The following CLEC6A variants were observed in gnomAD, a reference collection of about 807,000 sequenced individuals.
The protein encoded by CLEC6A is C-type lectin domain containing 6A.
Under a neutral mutation model 25.7 loss-of-function variants are expected in CLEC6A, and 22 were observed. The ratio of observed to expected loss-of-function variants is 0.85; its 90% CI spans 0.61 to 1.22. The LOEUF is 1.22. Among genes scored for constraint, CLEC6A ranks in the 50% most tolerant of loss-of-function variants. The pLI, the probability that CLEC6A is intolerant of heterozygous loss-of-function variation, is 0.00. For missense variants in CLEC6A, 240 were observed against 236.8 expected (o/e 1.01, Z -0.09); for synonymous variants, 92 against 76.7 (o/e 1.20, Z -1.04).
intron 3 of CLEC6A, among the ~76,000 whole-genome samples, chr12:8,464,575 G>A (rs1048854830): frequency 2.2e-4 from 33 of 152,068 alleles, no homozygotes; most frequent in African/African-American, 6.5e-4. Flanking sequence ...CTCGTGATCC[G>A]CCCGCCTCGG....
intron 4 of CLEC6A, among the ~76,000 whole-genome samples, chr12:8,466,950 C>A (rs1939840104): frequency 2.0e-5 from 3 of 152,194 alleles, no homozygotes; most frequent in Admixed American, 6.5e-5. Flanking sequence ...CCTCACCCGA[C>A]TGGCAACTTT....
At chr12:8,459,785 A>G in intron 3 of CLEC6A, 87 bp downstream of exon 3, 2 of 836,390 alleles carry the variant, frequency 2.4e-6, no homozygotes, top group South Asian at 2.7e-5. Flanking sequence ...TCTATTGTGC[A>G]TTTGTGTGTG....
chr12:8,461,498 A>C (rs1939753059), intron 3 of CLEC6A, among the ~76,000 whole-genome samples: 1 of 152,322 alleles, frequency 6.6e-6, no homozygotes, highest in South Asian at 2.1e-4. Flanking sequence ...GGCATAAGAG[A>C]CTGTTCATTT....
chr12:8,474,809 A>G (rs1037648593), intron 4 of CLEC6A, among the ~76,000 whole-genome samples: 6 of 152,198 alleles, frequency 3.9e-5, no homozygotes, highest in African/African-American at 1.4e-4. Context: ...TTATGAAATA[A>G]ATAAATCGAC....
intron 1 of CLEC6A, 117 bp downstream of exon 1, chr12:8,456,259 G>C: frequency 2.2e-6 from 2 of 905,106 alleles, no homozygotes; most frequent in East Asian, 2.5e-5. Context: ...CAATATAGTA[G>C]ACTCAAAGGA....
rs369189992 is a variant in CLEC6A, at chr12:8,476,255, G to A, written c.485+15G>A. 262 of 1,438,168 alleles carry A rather than the reference G, an allele frequency of 1.8e-4. 3 individuals carry two copies. In the South Asian group the frequency reaches 2.5e-3, roughly 14 times the overall value. 89.1% of individuals were successfully genotyped at this position (1,438,168 alleles called of 1,614,324 possible). On this transcript the variant is annotated intron_variant, in intron 5 of 5. Transcript: ENST00000382073. ...AAAAATGTCAGGTGAGTGCAGTTCT[G>A]GGGCCTTGTTTACATAGAAAATCTA... is the stretch of plus-strand genomic sequence containing the variant.
At chr12:8,457,389 GC>G (rs1939691757) in intron 1 of CLEC6A, among the ~76,000 whole-genome samples, 1 of 152,140 alleles carries the variant, frequency 6.6e-6, no homozygotes, top group Admixed American at 6.5e-5. Flanking sequence ...CTGTGCTGTT[GC>G]AAATGGCAGG....
intron 4 of CLEC6A, among the ~76,000 whole-genome samples, chr12:8,474,811 T>A (rs901179887): frequency 6.6e-6 from 1 of 152,188 alleles, no homozygotes. Context: ...ATGAAATAAA[T>A]AAATCGACTA....
chr12:8,462,438 G>A lies in CLEC6A; in HGVS notation c.223+2740G>A, dbSNP rs1328204336. On this transcript the variant is annotated intron_variant, in intron 3 of 5. Coordinates refer to ENST00000382073, the MANE Select transcript of CLEC6A (RefSeq NM_001007033.2). Reference sequence around the variant, plus strand: ...AGAGGAAGGCATCTGTCTCCTGCCCGTCCATGGGCAATGGAATGTCTCGGT... The same window carrying A: ...AGAGGAAGGCATCTGTCTCCTGCCCATCCATGGGCAATGGAATGTCTCGGT... Among the ~76,000 whole-genome samples, 20 of 132,004 alleles carry A rather than the reference G, an allele frequency of 1.5e-4. No homozygotes were observed. The East Asian group carries it at 3.2e-3, about 21-fold the overall frequency. The allele number at this position is 132,004 out of a possible 152,430, so 86.6% of individuals were successfully genotyped here.
chr12:8,461,309 A>C, intron 3 of CLEC6A: 3 of 531,666 alleles, frequency 5.6e-6, no homozygotes, highest in Non-Finnish European at 6.7e-6. Flanking sequence ...AGAAAAGAAA[A>C]AGGGAAAGAG....
intron 4 of CLEC6A, among the ~76,000 whole-genome samples, chr12:8,472,486 A>G (rs577259990): frequency 5.8e-4 from 89 of 152,206 alleles, no homozygotes; most frequent in Non-Finnish European, 1.1e-3. Flanking sequence ...ATGCTTAGAG[A>G]TGGGAGTTTT....
chr12:8,459,749 C>G (rs1406190944), intron 3 of CLEC6A, 51 bp downstream of exon 3: 1 of 1,129,424 alleles, frequency 8.9e-7, no homozygotes, highest in Non-Finnish European at 1.4e-6. Flanking sequence ...AGGGAGAGAT[C>G]AGGGTTGAGC....
At chr12:8,460,608 A>T in intron 3 of CLEC6A, 2 of 1,274,140 alleles carry the variant, frequency 1.6e-6, no homozygotes, top group Non-Finnish European at 2.3e-6. Flanking sequence ...AAGCCATCAC[A>T]TAAGTCAAGA....
rs2136369255 is a variant in CLEC6A at position 8,478,234 on chromosome 12, T to G, written c.*770T>G. 6.6e-6 allele frequency: 1 copy of G among 152,090 alleles called. No homozygotes were observed. The highest frequency in any genetic ancestry group is 1.9e-4 in the East Asian group (1 of 5,188). The allele number at this position is 152,090 out of a possible 1,614,324, so 9.4% of individuals were successfully genotyped here. A position where few individuals can be genotyped will look rare whatever the true frequency, so the allele number is the denominator to read the frequency against. ...CTGAAAATATGATGGTTAGCAAAGTTTGAGATAACTAGAGCCTGTAATCCA... is the reference window on the plus strand; with the variant it reads ...CTGAAAATATGATGGTTAGCAAAGTGTGAGATAACTAGAGCCTGTAATCCA... On this transcript the variant is annotated 3_prime_UTR_variant, in exon 6 of 6. Transcript: ENST00000382073.
rs749657245 is a variant in CLEC6A at position 8,465,555 on chromosome 12, G to A, written c.295G>A (p.Val99Ile). 1.2e-6 allele frequency: 2 copies of A among 1,613,896 alleles called. No homozygotes were observed. Among genetic ancestry groups the A allele is most frequent in the Admixed American group, 1.7e-5 (1 of 59,998 alleles). The change falls in exon 4 of 6, where the codon GTT (valine) becomes ATT (isoleucine). Residue 99 changes from valine to isoleucine, a missense_variant. Val to Ile is a conservative substitution (Grantham distance 29). Transcript: ENST00000382073. ...SCYFISSEEK[V>I]WSKSEQNCVE... is the part of the protein sequence containing the mutation. ...CTACTTCATTTCCAGTGAAGAGAAG[G>A]TTTGGTCTAAGAGTGAGCAGAACTG...
At position 8,464,584 on chromosome 12, in the gene CLEC6A, G is replaced by A. The variant is rs1229962654; in HGVS notation, c.224-900G>A. Among the ~76,000 whole-genome samples, 8 of 152,106 alleles carry A rather than the reference G, an allele frequency of 5.3e-5. No individual in the cohort carries two copies. The South Asian group carries it at 8.3e-4, about 16-fold the overall frequency. Reference sequence around the variant, plus strand: ...CCTGACCTCGTGATCCGCCCGCCTCGGCCTCCCAAAGTGCTGGGATTACAG... The same window carrying A: ...CCTGACCTCGTGATCCGCCCGCCTCAGCCTCCCAAAGTGCTGGGATTACAG... On this transcript the variant is annotated intron_variant, in intron 3 of 5. Transcript: ENST00000382073.
At chr12:8,466,441 T>G (rs7312686) in intron 4 of CLEC6A, among the ~76,000 whole-genome samples, 5 of 151,998 alleles carry the variant, frequency 3.3e-5, no homozygotes, top group African/African-American at 1.2e-4. Flanking sequence ...GTTCTATTTT[T>G]AATTTTTTGA....
chr12:8,472,633 A>G (rs1939921414), intron 4 of CLEC6A, among the ~76,000 whole-genome samples: 1 of 152,154 alleles, frequency 6.6e-6, no homozygotes, highest in South Asian at 2.1e-4. Flanking sequence ...TATTTTCTGA[A>G]GTTTACAAAG....
chr12:8,458,009 A>G (rs777034779), intron 2 of CLEC6A, 22 bp downstream of exon 2: 1 of 1,540,926 alleles, frequency 6.5e-7, no homozygotes, highest in Non-Finnish European at 9.0e-7. Flanking sequence ...ACTGAGGTGC[A>G]TTTTCCTTGC....
Sources: allele counts gnomAD v4.1 joint callset (sites outside exome capture counted in the v4.1 genomes callset), GRCh38; gene constraint gnomAD v4.1.1; transcripts MANE v1.5; gene names NCBI Gene and HGNC (gene_info 2026-07-23, HGNC 2026-07-21).